The following OR8G5 variants were observed in gnomAD, a reference collection of about 807,000 sequenced individuals.
OR8G5 encodes the protein olfactory receptor family 8 subfamily G member 5, also known as olfactory receptor 8G5.
For missense variants in OR8G5, 347 were observed against 371.9 expected, an observed-to-expected ratio of 0.93 and a Z score of 0.55; for synonymous variants, 147 against 147.7, an observed-to-expected ratio of 1.00 and a Z score of 0.03.
At position 124,265,859 on chromosome 11, in the gene OR8G5, T is replaced by C; in HGVS notation, c.928T>C (p.Phe310Leu). Reference sequence around the variant, plus strand: ...GAAGAAAACGCTAGGGAAAAGAACATTCTTATGAACAGAAGTACAATGAAA... The same window carrying C: ...GAAGAAAACGCTAGGGAAAAGAACACTCTTATGAACAGAAGTACAATGAAA... ...ALKKTLGKRT[F>L]L The change falls in exon 2 of 2, where the codon TTC (phenylalanine) becomes CTC (leucine). Residue 310 changes from phenylalanine (F) to leucine (L), a missense_variant. By Grantham distance (22) the Phe-to-Leu change is conservative. Coordinates refer to ENST00000641992, the MANE Select transcript of OR8G5 (RefSeq NM_001005198.2). The C allele has an allele frequency of 6.2e-7, 1 of 1,610,082 alleles. No individual in the cohort carries two copies. The highest frequency in any genetic ancestry group is 8.5e-7 in the Non-Finnish European group (1 of 1,177,730).
chr11:124,256,501 A>C lies in OR8G5; in HGVS notation c.-148A>C, dbSNP rs1015666568. ...GTGAGTGAGATGTCTTGTGCTTTGC[A>C]GTCTCAGGACTAAAGACTACAGAAC... On this transcript the variant is annotated 5_prime_UTR_variant, in exon 1 of 2. Transcript: ENST00000641992. The C allele has an allele frequency of 1.3e-5, 2 of 152,258 alleles. No homozygotes were observed. The highest frequency in any genetic ancestry group is 2.9e-5 in the Non-Finnish European group (2 of 68,056). 9.4% of individuals were successfully genotyped at this position (152,258 alleles called of 1,614,324 possible).
intron 1 of OR8G5, among the ~76,000 whole-genome samples, chr11:124,257,437 G>A (rs752703628): frequency 6.6e-6 from 1 of 152,150 alleles, no homozygotes; most frequent in Non-Finnish European, 1.5e-5. Context: ...CCAGGTGGTT[G>A]AGGCTTAAAT....
At chr11:124,262,940 A>C (rs575594094) in intron 1 of OR8G5, among the ~76,000 whole-genome samples, 1 of 152,182 alleles carries the variant, frequency 6.6e-6, no homozygotes, top group Non-Finnish European at 1.5e-5. Context: ...ACTCCCTGCC[A>C]GCTTTGTATG....
At chr11:124,259,434 A>T (rs190579173) in intron 1 of OR8G5, among the ~76,000 whole-genome samples, 32 of 152,292 alleles carry the variant, frequency 2.1e-4, no homozygotes, top group Admixed American at 7.2e-4. Flanking sequence ...ATAAAACCAC[A>T]TGCAGTTTGG....
chr11:124,264,608 C>T (rs979972570), intron 1 of OR8G5, among the ~76,000 whole-genome samples: 3 of 152,166 alleles, frequency 2.0e-5, no homozygotes, highest in African/African-American at 4.8e-5. Flanking sequence ...TACTTATTTA[C>T]ACTGGCTTCT....
chr11:124,256,888 A>C (rs1011250996), intron 1 of OR8G5, among the ~76,000 whole-genome samples: 2 of 152,188 alleles, frequency 1.3e-5, no homozygotes, highest in African/African-American at 4.8e-5. Flanking sequence ...TAGAAATTAG[A>C]ATTTTCTGAG....
intron 1 of OR8G5, among the ~76,000 whole-genome samples, chr11:124,258,976 T>C (rs770143478): frequency 6.0e-4 from 91 of 152,216 alleles, no homozygotes; most frequent in Non-Finnish European, 1.1e-3. Flanking sequence ...ATTGGATTAT[T>C]TTTTAAAATG....
chr11:124,265,991 C>T lies in OR8G5; in HGVS notation c.*124C>T, dbSNP rs184767246. The T allele has an allele frequency of 1.6e-5, 20 of 1,222,084 alleles. No homozygotes were observed. The highest frequency in any genetic ancestry group is 5.7e-5 in the Admixed American group (2 of 35,150). 75.7% of individuals were successfully genotyped at this position (1,222,084 alleles called of 1,614,324 possible). A position where few individuals can be genotyped will look rare whatever the true frequency, so the allele number is the denominator to read the frequency against. ...TTCTAATTTGGGGGGATTTTACTGA[C>T]GTTATGTCTTATGCACATGGTCTAT... On this transcript the variant is annotated 3_prime_UTR_variant, in exon 2 of 2. Coordinates refer to ENST00000641992, the MANE Select transcript of OR8G5 (RefSeq NM_001005198.2).
intron 1 of OR8G5, among the ~76,000 whole-genome samples, chr11:124,263,114 A>G (rs961001998): frequency 3.3e-5 from 5 of 152,136 alleles, no homozygotes; most frequent in African/African-American, 4.8e-5. Flanking sequence ...GACCAGTCAT[A>G]TATCTTTTCT....
chr11:124,258,761 G>A (rs927206633), intron 1 of OR8G5, among the ~76,000 whole-genome samples: 3 of 151,982 alleles, frequency 2.0e-5, no homozygotes, highest in African/African-American at 7.3e-5. Context: ...GGCTCTGGAT[G>A]CCACAGACTT....
At position 124,266,024 on chromosome 11, in the gene OR8G5, C is replaced by G; in HGVS notation, c.*157C>G. 1.1e-6 allele frequency: 1 copy of G among 881,890 alleles called. No homozygotes were observed. Among genetic ancestry groups the G allele is most frequent in the Non-Finnish European group, 1.6e-6 (1 of 608,580 alleles). 54.6% of individuals were successfully genotyped at this position (881,890 alleles called of 1,614,324 possible). ...CTTATGCACATGGTCTATTTCATGCCATTTCCCTCTCATTTTTTCTCTCAT... is the reference window on the plus strand; with the variant it reads ...CTTATGCACATGGTCTATTTCATGCGATTTCCCTCTCATTTTTTCTCTCAT... On this transcript the variant is annotated 3_prime_UTR_variant, in exon 2 of 2. Transcript: ENST00000641992.
rs745380571 is a variant in OR8G5 at position 124,265,004 on chromosome 11, C to T, written c.73C>T (p.Leu25=). The T allele has an allele frequency of 6.2e-7, 1 of 1,613,870 alleles. No homozygotes were observed. The highest frequency in any genetic ancestry group is 8.5e-7 in the Non-Finnish European group (1 of 1,179,898). The part of the protein sequence containing the change: ...VGLTEKSELQ[L]PLFLVFLGIY... Reference sequence around the variant, plus strand: ...GCTAACAGAGAAGTCAGAGCTACAGCTGCCCCTCTTCCTCGTCTTCCTGGG... The same window carrying T: ...GCTAACAGAGAAGTCAGAGCTACAGTTGCCCCTCTTCCTCGTCTTCCTGGG... Residue 25 remains leucine, a synonymous_variant, in exon 2 of 2, where the codon CTG becomes TTG. Coordinates refer to ENST00000641992, the MANE Select transcript of OR8G5 (RefSeq NM_001005198.2).
At position 124,265,605 on chromosome 11, in the gene OR8G5, T is replaced by C. The variant is rs1345534553; in HGVS notation, c.674T>C (p.Ile225Thr). The C allele has an allele frequency of 1.2e-6, 2 of 1,613,802 alleles. No homozygotes were observed. The highest frequency in any genetic ancestry group is 2.7e-5 in the African/African-American group (2 of 74,918). Residue 225 changes from isoleucine to threonine, a missense_variant, in exon 2 of 2, where the codon ATC (isoleucine) becomes ACC (threonine). Ile to Thr is a moderately conservative substitution (Grantham distance 89). Coordinates refer to ENST00000641992, the MANE Select transcript of OR8G5 (RefSeq NM_001005198.2). ...TCTTACATCTTCATCATTGCCAGCA[T>C]CCTCCGCATTCGCTACACTGAGGGC... Reference protein sequence around the residue: ...LSSYIFIIASILRIRYTEGRS... With the variant: ...LSSYIFIIASTLRIRYTEGRS...
At chr11:124,264,685 A>G (rs1195626471) in intron 1 of OR8G5, 1 of 550,002 alleles carries the variant, frequency 1.8e-6, no homozygotes, top group African/African-American at 1.9e-5. Context: ...AATATTCAAA[A>G]TACAAAATAG....
chr11:124,261,831 G>T (rs1861974285), intron 1 of OR8G5, among the ~76,000 whole-genome samples: 1 of 151,930 alleles, frequency 6.6e-6, no homozygotes, highest in South Asian at 2.1e-4. Context: ...TTCAGAGTAT[G>T]TTTGTTAGCT....
At chr11:124,259,400 G>A (rs993463360) in intron 1 of OR8G5, among the ~76,000 whole-genome samples, 3 of 152,178 alleles carry the variant, frequency 2.0e-5, no homozygotes, top group Admixed American at 6.5e-5. Context: ...TTAGAGAGGG[G>A]GTAGCAATAC....
At chr11:124,264,859 A>G (rs781316798) in intron 1 of OR8G5, 59 bp from the exon 2 acceptor site, 15 of 1,598,156 alleles carry the variant, frequency 9.4e-6, no homozygotes, top group Non-Finnish European at 1.2e-5. Flanking sequence ...TCACTTTCCT[A>G]CAAAAGGAGA....
Position 124,265,112 on chromosome 11 carries a change from T to C in OR8G5, c.181T>C (p.Cys61Arg), listed in dbSNP as rs1370025692. Residue 61 changes from cysteine to arginine, a missense_variant, in exon 2 of 2, where the codon TGT becomes CGT. By Grantham distance (180) the Cys-to-Arg change is radical (BLOSUM62 -3). Coordinates refer to ENST00000641992, the MANE Select transcript of OR8G5 (RefSeq NM_001005198.2). ...LSSHLHTPMY[C>R]FLSSLSFIDF... ...TTCTCACCTGCACACACCTATGTAC[T>C]GTTTCCTCAGCAGTCTGTCCTTCAT... The C allele has an allele frequency of 1.9e-6, 3 of 1,614,176 alleles. No homozygotes were observed. The highest frequency in any genetic ancestry group is 2.5e-6 in the Non-Finnish European group (3 of 1,180,030).
Position 124,265,412 on chromosome 11 carries a change from G to A in OR8G5, c.481G>A (p.Gly161Ser), listed in dbSNP as rs2137762256. 1 of 1,613,998 alleles carries A rather than the reference G, an allele frequency of 6.2e-7. No homozygotes were observed. The highest frequency in any genetic ancestry group is 8.5e-7 in the Non-Finnish European group (1 of 1,179,892). ...CCTGATTTGTGCGTCAGCTCATATAGGCTGTATGTTTAGGGTTCAATTCTG... is the reference window on the plus strand; with the variant it reads ...CCTGATTTGTGCGTCAGCTCATATAAGCTGTATGTTTAGGGTTCAATTCTG... ...IGLICASAHI[G>S]CMFRVQFCKF... The change falls in exon 2 of 2, where the codon GGC becomes AGC. Residue 161 changes from glycine (G) to serine (S), a missense_variant. By Grantham distance (56) the Gly-to-Ser change is moderately conservative. Transcript: ENST00000641992.
Sources: gnomAD v4.1 joint callset for allele counts (sites outside exome capture counted in the v4.1 genomes callset) on GRCh38, gnomAD v4.1.1 for gene constraint, MANE v1.5 for transcripts, NCBI Gene and HGNC (gene_info 2026-07-23, HGNC 2026-07-21) for gene names.